Variants in DAB1 observed in about 807,000 individuals in gnomAD.
The protein encoded by DAB1 is DAB adaptor protein 1.
DAB1 carries 15 observed loss-of-function variants against 64.6 expected under a neutral mutation model. That is an observed-to-expected ratio of 0.23 (90% CI 0.16 to 0.36). The LOEUF (loss-of-function observed/expected upper bound fraction) is 0.36. DAB1 is among the 10% of genes least tolerant of loss of function. DAB1 has a pLI of 1.00. For synonymous variants in DAB1, 235 were observed against 251.9 expected (o/e 0.93, Z 0.64); for missense variants, 596 against 706.7 (o/e 0.84, Z 1.78).
At chr1:58,477,719 C>T (rs1645432696) in intron 3 of DAB1, among the ~76,000 whole-genome samples, 1 of 152,102 alleles carries the variant, frequency 6.6e-6, no homozygotes, top group African/African-American at 2.4e-5. Context: ...GTGAGAAAGA[C>T]TGCAAAGAAA....
At chr1:58,342,013 A>C (rs1332328521) in intron 4 of DAB1, among the ~76,000 whole-genome samples, 4 of 152,164 alleles carry the variant, frequency 2.6e-5, no homozygotes, top group Middle Eastern at 3.2e-3. Flanking sequence ...AATGGAAGGG[A>C]GCCTCAGTAA....
At chr1:57,902,591 C>T (rs753739896) in intron 5 of DAB1, among the ~76,000 whole-genome samples, 74 of 152,258 alleles carry the variant, frequency 4.9e-4, no homozygotes, top group Admixed American at 1.5e-3. Flanking sequence ...TAATGTGAAG[C>T]TGGTCCTTGC....
intron 6 of DAB1, among the ~76,000 whole-genome samples, chr1:57,726,257 A>T (rs1268895210): frequency 6.6e-6 from 1 of 152,206 alleles, no homozygotes; most frequent in Non-Finnish European, 1.5e-5. Context: ...ATAAGGAAAC[A>T]AGTCATCACT....
chr1:58,543,029 T>C (rs1230393811), intron 1 of DAB1, among the ~76,000 whole-genome samples: 1 of 151,770 alleles, frequency 6.6e-6, no homozygotes, highest in African/African-American at 2.4e-5. Context: ...GACAATGGAC[T>C]ATTAAGTGTA....
intron 1 of DAB1, among the ~76,000 whole-genome samples, chr1:57,383,666 G>A (rs1681561649): frequency 6.6e-6 from 1 of 152,182 alleles, no homozygotes; most frequent in Admixed American, 6.5e-5. Context: ...AAAAGACAGT[G>A]TCTTTAGCAA....
At chr1:58,193,684 C>T (rs1204937095) in intron 4 of DAB1, among the ~76,000 whole-genome samples, 2 of 152,028 alleles carry the variant, frequency 1.3e-5, no homozygotes, top group Non-Finnish European at 2.9e-5. Context: ...GGTGAAACCC[C>T]ATCTCTACTA....
rs61768361 is a variant in DAB1 at position 57,702,886 on chromosome 1, C to T, written n.552-53221G>A. On this transcript the variant is annotated intron_variant and non_coding_transcript_variant, in intron 6 of 20. Transcript: ENST00000485760. ...AATAGAGAAACCAGAAATGAGACAG[C>T]ACACCTACAACTATCTGGTCTTCAA... Among the ~76,000 whole-genome samples, 612 of 152,212 alleles carry T rather than the reference C, an allele frequency of 4.0e-3. 2 individuals carry two copies. The highest frequency in any genetic ancestry group is 7.0e-3 in the Non-Finnish European group (477 of 67,994).
intron 6 of DAB1, among the ~76,000 whole-genome samples, chr1:57,679,529 AG>A (rs2101695593): frequency 6.6e-6 from 1 of 152,322 alleles, no homozygotes; most frequent in African/African-American, 2.4e-5. Flanking sequence ...ATGGGAGAAA[AG>A]TGTTGTTACC....
At chr1:58,098,321 C>T (rs1415824905) in intron 5 of DAB1, among the ~76,000 whole-genome samples, 2 of 152,102 alleles carry the variant, frequency 1.3e-5, no homozygotes, top group Non-Finnish European at 2.9e-5. Flanking sequence ...TGGGCTCCAT[C>T]GCCACCCTAC....
intron 6 of DAB1, among the ~76,000 whole-genome samples, chr1:57,774,302 T>C (rs1271545026): frequency 1.3e-5 from 2 of 151,872 alleles, no homozygotes; most frequent in African/African-American, 4.8e-5. Context: ...GTATACTGAA[T>C]TTGTATCCTG....
intron 3 of DAB1, among the ~76,000 whole-genome samples, chr1:58,479,630 C>A (rs913249275): frequency 6.6e-6 from 1 of 152,126 alleles, no homozygotes; most frequent in Non-Finnish European, 1.5e-5. Context: ...CAAGTGGTCC[C>A]TGATTTCATA....
chr1:58,538,738 C>A (rs879291741), intron 1 of DAB1: 19 of 697,808 alleles, frequency 2.7e-5, no homozygotes, highest in Non-Finnish European at 3.7e-5. Flanking sequence ...TACGTTAGCA[C>A]AAAATATTAA....
chr1:57,341,047 G>A (rs548794836), intron 1 of DAB1, among the ~76,000 whole-genome samples: 1 of 152,278 alleles, frequency 6.6e-6, no homozygotes, highest in African/African-American at 2.4e-5. Flanking sequence ...CCCAGGTGCT[G>A]TTCTAAGAGC....
intron 3 of DAB1, among the ~76,000 whole-genome samples, chr1:58,499,477 TATAGATAG>T (rs60917151): frequency 6.2e-4 from 89 of 143,766 alleles, no homozygotes; most frequent in African/African-American, 1.4e-3. Context: ...AAAGCCAGAC[TATAGATAG>T]ATAGATAGAT....
At chr1:57,695,373 A>AAAAGAAAAGAAAG (rs1557427806) in intron 6 of DAB1, among the ~76,000 whole-genome samples, 1 of 53,794 alleles carries the variant, frequency 1.9e-5, no homozygotes, top group African/African-American at 8.9e-5. Context: ...AGAAAGAAAG[A>AAAAGAAAAGAAAG]AAGAAAGAAA....
At chr1:58,425,081 A>C (rs1644809380) in intron 3 of DAB1, among the ~76,000 whole-genome samples, 1 of 152,214 alleles carries the variant, frequency 6.6e-6, no homozygotes, top group Non-Finnish European at 1.5e-5. Flanking sequence ...TATTGTTTGA[A>C]ATAAGTGATC....
At chr1:57,185,627 C>A (rs554744623) in intron 2 of DAB1, among the ~76,000 whole-genome samples, 1 of 152,130 alleles carries the variant, frequency 6.6e-6, no homozygotes, top group African/African-American at 2.4e-5. Context: ...TAAAAAGGGA[C>A]ATCCTCTTGG....
rs756998409 is a variant in DAB1 at position 57,023,560 on chromosome 1, A to G, written c.866T>C (p.Val289Ala). 6 of 1,610,156 alleles carry G rather than the reference A, an allele frequency of 3.7e-6. No individual in the cohort carries two copies. Among genetic ancestry groups the G allele is most frequent in the Non-Finnish European group, 4.2e-6 (5 of 1,178,144 alleles). Residue 289 changes from valine to alanine, a missense_variant, in exon 11 of 15, where the codon GTA (valine) becomes GCA (alanine). By Grantham distance (64) the Val-to-Ala change is moderately conservative. Coordinates refer to ENST00000371236, the MANE Select transcript of DAB1 (RefSeq NM_001365792.1). Reference protein sequence around the residue: ...LPASADVFSSVPFGTAAVPSG... With the variant: ...LPASADVFSSAPFGTAAVPSG... ...GGGTACAGCAGCAGTGCCGAAAGGTACAGAACTAAACACATCTGCACTCGC... is the reference window on the plus strand; with the variant it reads ...GGGTACAGCAGCAGTGCCGAAAGGTGCAGAACTAAACACATCTGCACTCGC...
chr1:58,390,178 G>C (rs1403823315), intron 3 of DAB1, among the ~76,000 whole-genome samples: 1 of 152,098 alleles, frequency 6.6e-6, no homozygotes, highest in Non-Finnish European at 1.5e-5. Context: ...AGCTCCTTCT[G>C]AGGCAGACTT....
Sources: allele counts gnomAD v4.1 joint callset (sites outside exome capture counted in the v4.1 genomes callset), GRCh38; gene constraint gnomAD v4.1.1; transcripts MANE v1.5; gene names NCBI Gene and HGNC (gene_info 2026-07-23, HGNC 2026-07-21).